Variants in PLCXD2 observed in about 807,000 individuals in gnomAD.
PLCXD2 encodes phosphatidylinositol specific phospholipase C X domain containing 2, also known as PI-PLC X domain-containing protein 2.
Under a neutral mutation model 28.6 loss-of-function variants are expected in PLCXD2, and 21 were observed. The observed-to-expected ratio is 0.73, with a 90% CI of 0.52 to 1.06. The LOEUF (loss-of-function observed/expected upper bound fraction) is 1.06, where lower values mean the gene tolerates loss of function less well. Among genes scored for constraint, PLCXD2 ranks in the 50% least tolerant of loss-of-function variants. PLCXD2 has a pLI of 0.00. For synonymous variants in PLCXD2, 140 were observed against 150.1 expected (o/e 0.93, Z 0.49); for missense variants, 369 against 376.7 (o/e 0.98, Z 0.17).
At chr3:111,718,448 G>A (rs1941300885) in intron 3 of PLCXD2, among the ~76,000 whole-genome samples, 1 of 151,902 alleles carries the variant, frequency 6.6e-6, no homozygotes, top group South Asian at 2.1e-4. Context: ...CTGGGGGACA[G>A]AGGAAGACTC....
At chr3:111,685,303 T>A (rs1252007169) in intron 1 of PLCXD2, among the ~76,000 whole-genome samples, 14 of 152,250 alleles carry the variant, frequency 9.2e-5, no homozygotes, top group Non-Finnish European at 2.9e-5. Flanking sequence ...TGAGTTTCTA[T>A]TCCCAGAGAG....
Position 111,721,030 on chromosome 3 carries a change from A to G in PLCXD2, c.866+6902A>G, listed in dbSNP as rs376885738. ...CTCCCTTCCTCACAGGGCCATTTAG[A>G]TAAAATTACAGGGCTATTAATTGCA... On this transcript the variant is annotated intron_variant, in intron 3 of 4. Coordinates refer to ENST00000477665, the MANE Select transcript of PLCXD2 (RefSeq NM_001185106.1). 319 of 394,674 alleles carry G rather than the reference A, an allele frequency of 8.1e-4. 9 individuals are homozygous for G. In the South Asian group the frequency reaches 0.043, roughly 53 times the overall value. The allele number at this position is 394,674 out of a possible 1,614,324, so 24.4% of individuals were successfully genotyped here.
At position 111,714,481 on chromosome 3, in the gene PLCXD2, T is replaced by G. The variant is rs75336737; in HGVS notation, c.866+353T>G. 7.2e-5 allele frequency among the ~76,000 whole-genome samples: 11 copies of G among 152,256 alleles called. No individual in the cohort carries two copies. In the East Asian group the frequency reaches 9.7e-4, roughly 13 times the overall value. On this transcript the variant is annotated intron_variant, in intron 3 of 4. Transcript: ENST00000477665. ...ACCCAGGCACTCATTTAAGAAGCAT[T>G]CAATATAGGCTGCTGTCCTAGGTGC...
chr3:111,718,491 T>TGATA (rs531765923), intron 3 of PLCXD2, among the ~76,000 whole-genome samples: 1,442 of 137,210 alleles, frequency 0.011, 22 homozygotes, highest in African/African-American at 0.027. Context: ...GATGGATAGA[T>TGATA]GATAGATAGA....
intron 3 of PLCXD2, chr3:111,726,156 A>C (rs1576467917): frequency 3.1e-6 from 1 of 325,140 alleles, no homozygotes; most frequent in East Asian, 4.8e-5. Flanking sequence ...TTGAAAAGTC[A>C]AATAGGCCTT....
At chr3:111,704,566 T>G (rs4491869) in intron 1 of PLCXD2, among the ~76,000 whole-genome samples, 34,617 of 152,120 alleles carry the variant, frequency 0.23, 5,718 homozygotes, top group African/African-American at 0.46. Flanking sequence ...GCCCTTTTAT[T>G]TTTAGTTGAC....
At chr3:111,695,319 A>G (rs1231840208) in intron 1 of PLCXD2, among the ~76,000 whole-genome samples, 2 of 152,202 alleles carry the variant, frequency 1.3e-5, no homozygotes, top group Non-Finnish European at 2.9e-5. Context: ...ATGGCTGCTG[A>G]AACCATGGAT....
At position 111,707,860 on chromosome 3, in the gene PLCXD2, A is replaced by T. The variant is rs72939590; in HGVS notation, c.164-66A>T. The T allele has an allele frequency of 9.7e-4, 1,375 of 1,414,342 alleles. 9 individuals are homozygous for T. The African/African-American group carries it at 0.017, about 18-fold the overall frequency. The allele number at this position is 1,414,342 out of a possible 1,614,324, so 87.6% of individuals were successfully genotyped here. Reference sequence around the variant, plus strand: ...AATTTTTGTTTTGTTTTGTTTTCTCATCAATTGGCTTATTTTTCCCAGCTC... The same window carrying T: ...AATTTTTGTTTTGTTTTGTTTTCTCTTCAATTGGCTTATTTTTCCCAGCTC... On this transcript the variant is annotated intron_variant, in intron 1 of 4. Coordinates refer to ENST00000477665, the MANE Select transcript of PLCXD2 (RefSeq NM_001185106.1).
At chr3:111,711,135 C>T (rs372913939) in intron 2 of PLCXD2, among the ~76,000 whole-genome samples, 358 of 152,238 alleles carry the variant, frequency 2.4e-3, no homozygotes, top group African/African-American at 8.1e-3. Context: ...AGGCTGGGTG[C>T]GGTGGTTCAT....
chr3:111,681,341 A>G (rs1183480867), intron 1 of PLCXD2, among the ~76,000 whole-genome samples: 1 of 152,126 alleles, frequency 6.6e-6, no homozygotes, highest in Non-Finnish European at 1.5e-5. Context: ...CTTTGGGAAA[A>G]ACTCAGCCCT....
intron 1 of PLCXD2, among the ~76,000 whole-genome samples, chr3:111,694,068 A>C (rs1940926473): frequency 6.6e-6 from 1 of 152,376 alleles, no homozygotes; most frequent in East Asian, 1.9e-4. Context: ...AGTATACTGC[A>C]GCTTTGAAAA....
At chr3:111,725,493 T>A in intron 3 of PLCXD2, 1 of 397,064 alleles carries the variant, frequency 2.5e-6, no homozygotes, top group Non-Finnish European at 4.4e-6. Context: ...AGGGACGCTC[T>A]CCGTAGCTTC....
At chr3:111,686,828 T>G (rs1365092141) in intron 1 of PLCXD2, among the ~76,000 whole-genome samples, 2 of 152,242 alleles carry the variant, frequency 1.3e-5, no homozygotes, top group Admixed American at 1.3e-4. Context: ...TTTATTATAG[T>G]TGTTCCTTTA....
intron 1 of PLCXD2, chr3:111,676,942 T>G (rs1467713350): frequency 6.6e-6 from 1 of 152,348 alleles, no homozygotes; most frequent in East Asian, 1.9e-4. Flanking sequence ...GGGTTGGCTG[T>G]GTACTCTGAC....
chr3:111,696,679 ACT>A (rs1371912810), intron 1 of PLCXD2, among the ~76,000 whole-genome samples: 1 of 152,072 alleles, frequency 6.6e-6, no homozygotes, highest in Non-Finnish European at 1.5e-5. Context: ...TTAATTGAAC[ACT>A]CTGACTATTC....
At chr3:111,719,123 A>G (rs891939212) in intron 3 of PLCXD2, among the ~76,000 whole-genome samples, 1 of 152,240 alleles carries the variant, frequency 6.6e-6, no homozygotes, top group African/African-American at 2.4e-5. Context: ...TTAGAGCTAA[A>G]CCTAAAAGCT....
intron 1 of PLCXD2, among the ~76,000 whole-genome samples, chr3:111,679,973 T>A (rs1381079115): frequency 1.3e-5 from 2 of 152,202 alleles, no homozygotes; most frequent in African/African-American, 4.8e-5. Context: ...GTCTCCAGCC[T>A]TCCCTTGGCA....
intron 3 of PLCXD2, chr3:111,725,394 C>A (rs1941402120): frequency 5.6e-6 from 2 of 358,602 alleles, no homozygotes; most frequent in South Asian, 3.0e-4. Flanking sequence ...CCTTGGGACA[C>A]ACAGAGTGAA....
chr3:111,710,121 G>GT (rs1349942757), intron 2 of PLCXD2, among the ~76,000 whole-genome samples: 4 of 152,208 alleles, frequency 2.6e-5, no homozygotes, highest in African/African-American at 9.7e-5. Context: ...ATACCAAGTT[G>GT]TTTTTGCGCA....
Sources: allele counts gnomAD v4.1 joint callset (sites outside exome capture counted in the v4.1 genomes callset), GRCh38; gene constraint gnomAD v4.1.1; transcripts MANE v1.5; gene names NCBI Gene and HGNC (gene_info 2026-07-23, HGNC 2026-07-21).